IQCH: variants seen among roughly 807,000 people sequenced by gnomAD.
IQCH encodes IQ motif containing H.
A neutral mutation model predicts 117.0 loss-of-function variants in IQCH; 98 were observed. The observed-to-expected ratio is 0.84, with a 90% CI of 0.71 to 0.99. The LOEUF (loss-of-function observed/expected upper bound fraction) is 0.99, where lower values mean the gene tolerates loss of function less well. IQCH is among the 50% of genes least tolerant of loss of function. The pLI is 0.00. For missense variants in IQCH, 1,102 were observed against 1,243.8 expected (o/e 0.89, Z 1.72); for synonymous variants, 412 against 448.2 (o/e 0.92, Z 1.02).
At chr15:67,348,527 C>A (rs528004045) in intron 6 of IQCH, among the ~76,000 whole-genome samples, 11 of 152,112 alleles carry the variant, frequency 7.2e-5, no homozygotes, top group African/African-American at 2.7e-4. Flanking sequence ...AACATAACAA[C>A]AAATATTAAA....
chr15:67,460,816 T>G (rs1241762196), intron 16 of IQCH, among the ~76,000 whole-genome samples: 1 of 152,202 alleles, frequency 6.6e-6, no homozygotes, highest in African/African-American at 2.4e-5. Flanking sequence ...TATTAGGTGA[T>G]TTTTAAGGGT....
intron 18 of IQCH, among the ~76,000 whole-genome samples, chr15:67,489,529 C>T (rs552205478): frequency 4.7e-3 from 50 of 10,744 alleles, no homozygotes; most frequent in Non-Finnish European, 8.1e-3. Flanking sequence ...GGGCTCACTG[C>T]AACCTCCGCC....
chr15:67,372,536 C>T lies in IQCH; in HGVS notation c.1179C>T (p.Arg393=), dbSNP rs1970580911. 1 of 1,614,010 alleles carries T rather than the reference C, an allele frequency of 6.2e-7. No homozygotes were observed. Among genetic ancestry groups the T allele is most frequent in the Non-Finnish European group, 8.5e-7 (1 of 1,179,966 alleles). ...CAAGAAAATTCTTCCTCTTTTATCG[C>T]CAGCAGAAGTGGGCATCAGGTGTGA... ...YKARKFFLFY[R]QQKWASGVIA... is the part of the protein sequence containing the mutation. Residue 393 remains arginine (R), a synonymous_variant, in exon 9 of 21, where the codon CGC becomes CGT. Transcript: ENST00000335894.
At chr15:67,486,194 C>A (rs2083474599) in intron 18 of IQCH, among the ~76,000 whole-genome samples, 1 of 151,606 alleles carries the variant, frequency 6.6e-6, no homozygotes, top group African/African-American at 2.4e-5. Context: ...CCATGCCTGG[C>A]TAATTTTTTT....
intron 6 of IQCH, 130 bp from the exon 7 acceptor site, chr15:67,357,211 TACAG>T: frequency 1.5e-6 from 1 of 660,606 alleles, no homozygotes; most frequent in Non-Finnish European, 2.8e-6. Flanking sequence ...ATTGAATGAA[TACAG>T]AAAGAAAGGT....
chr15:67,414,666 ATATAT>A (rs1567168402), intron 14 of IQCH, among the ~76,000 whole-genome samples: 2 of 126,952 alleles, frequency 1.6e-5, no homozygotes, highest in African/African-American at 5.2e-5. Flanking sequence ...AAAAAAAAAT[ATATAT>A]ATATATAATA....
At position 67,395,232 on chromosome 15, in the gene IQCH, A is replaced by T; in HGVS notation, c.1633-59A>T. The T allele has an allele frequency of 6.7e-7, 1 of 1,495,038 alleles. No homozygotes were observed. The highest frequency in any genetic ancestry group is 9.1e-7 in the Non-Finnish European group (1 of 1,097,914). The allele number at this position is 1,495,038 out of a possible 1,614,324, so 92.6% of individuals were successfully genotyped here. The stretch of plus-strand genomic sequence containing the variant: ...TTTATTATGTGCAACATTATAAATT[A>T]GGTGTATGGACTAGAAAAAAGGACA... On this transcript the variant is annotated intron_variant, in intron 12 of 20. Transcript: ENST00000335894. This position sits in a 1 kb window ranked among gnomAD's most constrained non-coding sequence, Gnocchi z 4.0.
chr15:67,294,737 C>T (rs2140511664), intron 4 of IQCH, among the ~76,000 whole-genome samples: 1 of 152,324 alleles, frequency 6.6e-6, no homozygotes, highest in Middle Eastern at 3.4e-3. Context: ...CTAATGCTAG[C>T]AATTGACTAC....
At position 67,407,656 on chromosome 15, in the gene IQCH, A is replaced by G. The variant is rs1477859331; in HGVS notation, c.2097+7351A>G. Reference sequence around the variant, plus strand: ...CTATGGGCCTGCAGTGTTAATTTTTAATATGCTTACAAAGTACCCTTTGAT... The same window carrying G: ...CTATGGGCCTGCAGTGTTAATTTTTGATATGCTTACAAAGTACCCTTTGAT... On this transcript the variant is annotated intron_variant, in intron 14 of 20. Coordinates refer to ENST00000335894, the MANE Select transcript of IQCH (RefSeq NM_001031715.3). The surrounding 1 kb of genome is among the most constrained non-coding windows in gnomAD (Gnocchi z 5.3). 6.6e-6 allele frequency: 1 copy of G among 152,226 alleles called. No homozygotes were observed. The highest frequency in any genetic ancestry group is 1.5e-5 in the Non-Finnish European group (1 of 68,030). The allele number at this position is 152,226 out of a possible 1,614,324, so 9.4% of individuals were successfully genotyped here. A position where few individuals can be genotyped will look rare whatever the true frequency, so the allele number is the denominator to read the frequency against.
In IQCH at chr15:67,416,517, C is replaced by CA. The variant is rs756524127; in HGVS notation, c.2098-403dup. On this transcript the variant is annotated intron_variant, in intron 14 of 20. Transcript: ENST00000335894. This position sits in a 1 kb window ranked among gnomAD's most constrained non-coding sequence, Gnocchi z 5.1. ...GGGCAACAAGAGCAAAACTGCGTCT[C>CA]AAAAAAAAAAAGAAAAAACAAAAAA... Among the ~76,000 whole-genome samples the CA allele has an allele frequency of 6.2e-3, 784 of 126,610 alleles. 2 individuals are homozygous for CA. Among genetic ancestry groups the CA allele is most frequent in the Non-Finnish European group, 8.8e-3 (521 of 58,954 alleles). 83.1% of individuals were successfully genotyped at this position (126,610 alleles called of 152,430 possible). A position where few individuals can be genotyped will look rare whatever the true frequency, so the allele number is the denominator to read the frequency against.
chr15:67,358,580 CTT>C (rs1276542911), intron 7 of IQCH, among the ~76,000 whole-genome samples: 1 of 152,104 alleles, frequency 6.6e-6, no homozygotes, highest in Admixed American at 6.6e-5. Flanking sequence ...ATGTGCTGGA[CTT>C]TTGTACCTTG....
intron 4 of IQCH, among the ~76,000 whole-genome samples, chr15:67,293,409 G>C (rs991741853): frequency 2.0e-5 from 3 of 152,052 alleles, no homozygotes; most frequent in Non-Finnish European, 2.9e-5. Context: ...TCAAAACCCT[G>C]ATATAAAATA....
At position 67,426,738 on chromosome 15, in the gene IQCH, C is replaced by CT. The variant is rs1473572069; in HGVS notation, c.2505+5162dup. 6.6e-6 allele frequency among the ~76,000 whole-genome samples: 1 copy of CT among 152,082 alleles called. No individual in the cohort carries two copies. The highest frequency in any genetic ancestry group is 2.4e-5 in the African/African-American group (1 of 41,400). ...CCTGTAATCCCAGCACTTTGGGAGG[C>CT]TGAGGCAGGAGAATTGCTTGAGCTC... On this transcript the variant is annotated intron_variant, in intron 16 of 20. Coordinates refer to ENST00000335894, the MANE Select transcript of IQCH (RefSeq NM_001031715.3). This position sits in a 1 kb window ranked among gnomAD's most constrained non-coding sequence, Gnocchi z 5.1.
At chr15:67,291,612 G>A (rs1348012231) in intron 4 of IQCH, among the ~76,000 whole-genome samples, 1 of 152,170 alleles carries the variant, frequency 6.6e-6, no homozygotes, top group Non-Finnish European at 1.5e-5. Flanking sequence ...CGAAAGTTTT[G>A]AGGATTTTTG....
At position 67,473,483 on chromosome 15, in the gene IQCH, C is replaced by T. The variant is rs1368369188; in HGVS notation, c.2677-2213C>T. Reference sequence around the variant, plus strand: ...CCTTCTCTAAGGATGGTGTGACTGTCCCCTGTGCCATGTAATAATCACCTG... The same window carrying T: ...CCTTCTCTAAGGATGGTGTGACTGTTCCCTGTGCCATGTAATAATCACCTG... On this transcript the variant is annotated intron_variant, in intron 17 of 20. Coordinates refer to ENST00000335894, the MANE Select transcript of IQCH (RefSeq NM_001031715.3). The surrounding 1 kb of genome is among the most constrained non-coding windows in gnomAD (Gnocchi z 4.9). Among the ~76,000 whole-genome samples the T allele has an allele frequency of 6.6e-6, 1 of 152,262 alleles. No individual in the cohort carries two copies. The highest frequency in any genetic ancestry group is 1.5e-5 in the Non-Finnish European group (1 of 68,048).
At chr15:67,429,314 G>A (rs1277089271) in intron 16 of IQCH, among the ~76,000 whole-genome samples, 1 of 152,158 alleles carries the variant, frequency 6.6e-6, no homozygotes, top group Non-Finnish European at 1.5e-5. Flanking sequence ...AGGAGTTTGA[G>A]ATCAGCATAG....
At chr15:67,372,985 C>T (rs895498083) in intron 9 of IQCH, among the ~76,000 whole-genome samples, 15 of 151,860 alleles carry the variant, frequency 9.9e-5, no homozygotes, top group African/African-American at 3.6e-4. Context: ...TACTTTTTCT[C>T]CCTATATATA....
At chr15:67,374,037 A>G (rs1422913008) in intron 10 of IQCH, 1 of 152,512 alleles carries the variant, frequency 6.6e-6, no homozygotes, top group Non-Finnish European at 1.5e-5. Context: ...TAATTATTTA[A>G]TTACATTTAT....
At chr15:67,402,552 T>C (rs981798869) in intron 14 of IQCH, among the ~76,000 whole-genome samples, 2 of 152,214 alleles carry the variant, frequency 1.3e-5, no homozygotes, top group Non-Finnish European at 2.9e-5. Context: ...TAATGTCCTA[T>C]TACAGTTTGT....
Sources: allele counts gnomAD v4.1 joint callset (sites outside exome capture counted in the v4.1 genomes callset), GRCh38; gene constraint gnomAD v4.1.1; non-coding constraint Gnocchi (gnomAD v3.1); transcripts MANE v1.5; gene names NCBI Gene and HGNC (gene_info 2026-07-23, HGNC 2026-07-21).